The following FARP1 variants were observed in gnomAD, a reference collection of about 807,000 sequenced individuals.
FARP1 encodes the protein FERM, ARHGEF and pleckstrin domain-containing protein 1.
In FARP1, 52 loss-of-function variants were observed where a neutral mutation model predicts 128.8. The observed-to-expected ratio is 0.40, with a 90% CI of 0.32 to 0.51. The LOEUF (loss-of-function observed/expected upper bound fraction) is 0.51. Among genes scored for constraint, FARP1 ranks in the 20% least tolerant of loss-of-function variants. The pLI is 0.45. For synonymous variants in FARP1, 580 were observed against 551.8 expected, an observed-to-expected ratio of 1.05 and a Z score of -0.72; for missense variants, 1,333 against 1,367.9, an observed-to-expected ratio of 0.97 and a Z score of 0.40.
chr13:98,390,680 T>TGCATCTCTCCCAGTTA, intron 10 of FARP1, 132 bp from the exon 11 acceptor site: 1 of 676,920 alleles, frequency 1.5e-6, no homozygotes, highest in Non-Finnish European at 2.6e-6. Flanking sequence ...CTTTTAGTCC[T>TGCATCTCTCCCAGTTA]GGCTAGCCAA....
At chr13:98,151,033 C>G (rs1424379441) in intron 1 of FARP1, among the ~76,000 whole-genome samples, 1 of 151,888 alleles carries the variant, frequency 6.6e-6, no homozygotes. Context: ...CGGTCAACCA[C>G]AGTCTGAATA....
intron 2 of FARP1, among the ~76,000 whole-genome samples, chr13:98,343,557 G>C (rs539613028): frequency 6.6e-6 from 1 of 152,324 alleles, no homozygotes; most frequent in Non-Finnish European, 1.5e-5. Context: ...AATGCTAAGA[G>C]ATTTGCATCC....
intron 2 of FARP1, among the ~76,000 whole-genome samples, chr13:98,260,350 G>A (rs1205707102): frequency 1.3e-5 from 2 of 152,294 alleles, no homozygotes; most frequent in East Asian, 3.9e-4. Context: ...CCCCTCTGTT[G>A]CCTATTGATA....
chr13:98,168,477 T>A (rs1877437343), intron 1 of FARP1, among the ~76,000 whole-genome samples: 3 of 152,192 alleles, frequency 2.0e-5, no homozygotes, highest in Admixed American at 2.0e-4. Context: ...CCTTGAGAGA[T>A]CCTTGTCCAG....
At chr13:98,395,200 C>T (rs1205902800) in intron 12 of FARP1, 27 bp from the exon 13 acceptor site, 1 of 1,574,286 alleles carries the variant, frequency 6.4e-7, no homozygotes, top group African/African-American at 1.4e-5. Flanking sequence ...CTCTATCTCT[C>T]CGCACCTTTT....
chr13:98,421,530 C>A (rs1224359879), intron 16 of FARP1, among the ~76,000 whole-genome samples: 1 of 152,178 alleles, frequency 6.6e-6, no homozygotes, highest in African/African-American at 2.4e-5. Flanking sequence ...AATGGCAGAT[C>A]CATTCAAAAA....
intron 1 of FARP1, among the ~76,000 whole-genome samples, chr13:98,145,396 G>A (rs1397057338): frequency 6.6e-6 from 1 of 152,126 alleles, no homozygotes; most frequent in East Asian, 1.9e-4. Flanking sequence ...ATACAGGGAT[G>A]GATTTATTCC....
At chr13:98,322,063 C>T (rs1488594385) in intron 2 of FARP1, among the ~76,000 whole-genome samples, 4 of 152,140 alleles carry the variant, frequency 2.6e-5, no homozygotes, top group Non-Finnish European at 4.4e-5. Context: ...TCTGGAAGGC[C>T]GAGGCTGGCG....
Position 98,265,311 on chromosome 13 carries a change from A to ATTTTTTTT in FARP1, c.171+51917_171+51924dup, listed in dbSNP as rs60809416. Among the ~76,000 whole-genome samples the ATTTTTTTT allele has an allele frequency of 9.1e-4, 55 of 60,268 alleles. 8 individuals are homozygous for ATTTTTTTT. The highest frequency in any genetic ancestry group is 3.8e-3 in the African/African-American group (49 of 12,748). 39.5% of individuals were successfully genotyped at this position (60,268 alleles called of 152,430 possible). A position where few individuals can be genotyped will look rare whatever the true frequency, so the allele number is the denominator to read the frequency against. ...ACCCACCCACACCCCTCCTTCCTGA[A>ATTTTTTTT]TTTTTTTTTTTTTTTTTTTTTTTTT... On this transcript the variant is annotated intron_variant, in intron 2 of 26. Transcript: ENST00000319562.
chr13:98,261,048 C>G (rs1883854333), intron 2 of FARP1, among the ~76,000 whole-genome samples: 1 of 152,162 alleles, frequency 6.6e-6, no homozygotes, highest in Non-Finnish European at 1.5e-5. Flanking sequence ...ACAGGTGTGA[C>G]AGCTCTATGG....
chr13:98,273,003 A>G (rs904613133), intron 2 of FARP1, among the ~76,000 whole-genome samples: 2 of 152,218 alleles, frequency 1.3e-5, no homozygotes, highest in African/African-American at 4.8e-5. Context: ...TGGGAAACGT[A>G]GTCTGAAGAG....
chr13:98,309,073 G>A (rs1304270088), intron 2 of FARP1, among the ~76,000 whole-genome samples: 1 of 149,872 alleles, frequency 6.7e-6, no homozygotes, highest in Non-Finnish European at 1.5e-5. Flanking sequence ...TTTTGAAATG[G>A]ATCATTTTAA....
At chr13:98,196,830 T>TA (rs1879594459) in intron 1 of FARP1, among the ~76,000 whole-genome samples, 7 of 152,266 alleles carry the variant, frequency 4.6e-5, no homozygotes, top group Admixed American at 4.6e-4. Flanking sequence ...GGCTGACATT[T>TA]AAACTTTCTC....
At chr13:98,297,387 A>G (rs924647110) in intron 2 of FARP1, among the ~76,000 whole-genome samples, 3 of 152,210 alleles carry the variant, frequency 2.0e-5, no homozygotes, top group Non-Finnish European at 4.4e-5. Flanking sequence ...TGTGCAATAG[A>G]AATGAAGTAG....
intron 2 of FARP1, among the ~76,000 whole-genome samples, chr13:98,237,721 T>G (rs561693683): frequency 2.6e-4 from 39 of 152,332 alleles, no homozygotes; most frequent in African/African-American, 8.7e-4. Context: ...AGAAAAGTCA[T>G]GTCATTACAA....
intron 1 of FARP1, among the ~76,000 whole-genome samples, chr13:98,199,412 T>A (rs1879793882): frequency 6.6e-6 from 1 of 152,248 alleles, no homozygotes; most frequent in Non-Finnish European, 1.5e-5. Flanking sequence ...TGCCACATTA[T>A]TACTTTGTGT....
At chr13:98,271,795 TTATC>T (rs960635008) in intron 2 of FARP1, among the ~76,000 whole-genome samples, 18 of 152,334 alleles carry the variant, frequency 1.2e-4, no homozygotes, top group African/African-American at 4.1e-4. Flanking sequence ...CACATTTTCT[TTATC>T]TAATCTATCA....
At chr13:98,416,303 G>C (rs1034883485) in intron 16 of FARP1, among the ~76,000 whole-genome samples, 1 of 152,226 alleles carries the variant, frequency 6.6e-6, no homozygotes, top group Admixed American at 6.5e-5. Context: ...CCAGAATTTG[G>C]TATATAAGTG....
chr13:98,437,015 G>A (rs149275374), intron 19 of FARP1, among the ~76,000 whole-genome samples: 2 of 152,272 alleles, frequency 1.3e-5, no homozygotes, highest in East Asian at 1.9e-4. Context: ...CCGGGGTGGC[G>A]GGGGACCATG....
Sources: allele counts gnomAD v4.1 joint callset (sites outside exome capture counted in the v4.1 genomes callset), GRCh38; gene constraint gnomAD v4.1.1; transcripts MANE v1.5; gene names NCBI Gene and HGNC (gene_info 2026-07-23, HGNC 2026-07-21).